Variants in TRMT2A observed in about 807,000 individuals in gnomAD.
TRMT2A encodes the protein tRNA (uracil-5-)-methyltransferase homolog A.
Under a neutral mutation model 59.3 loss-of-function variants are expected in TRMT2A, and 60 were observed. The observed-to-expected ratio is 1.01, with a 90% confidence interval of 0.82 to 1.26. TRMT2A has a LOEUF of 1.26. TRMT2A is among the 50% of genes most tolerant of loss of function. TRMT2A has a pLI of 0.00. For missense variants in TRMT2A, 863 were observed against 845.2 expected (o/e 1.02, Z -0.26); for synonymous variants, 403 against 353.7 (o/e 1.14, Z -1.56).
intron 2 of TRMT2A, 87 bp from the exon 3 acceptor site, chr22:20,115,867 C>T (rs1214052626): frequency 2.1e-6 from 3 of 1,434,452 alleles, no homozygotes; most frequent in Middle Eastern, 2.4e-4. Flanking sequence ...GGCTCCTGAC[C>T]CCTCCTTTGG....
chr22:20,113,340 G>C, intron 9 of TRMT2A, 92 bp downstream of exon 9: 1 of 1,524,178 alleles, frequency 6.6e-7, no homozygotes, highest in Non-Finnish European at 8.9e-7. Context: ...TCTACCTGTC[G>C]GGCAGCCCCC....
chr22:20,116,697 C>T (rs1213964108), intron 1 of TRMT2A, 85 bp from the exon 2 acceptor site: 4 of 1,469,402 alleles, frequency 2.7e-6, no homozygotes, highest in African/African-American at 1.4e-5. Flanking sequence ...ACACCCAGAC[C>T]TCCGTCGGTG....
intron 2 of TRMT2A, 83 bp downstream of exon 2, chr22:20,115,955 T>C: frequency 1.3e-6 from 2 of 1,481,764 alleles, no homozygotes; most frequent in Non-Finnish European, 1.8e-6. Context: ...GTGCTGGGCC[T>C]CCCAACTGGT....
In TRMT2A at chr22:20,113,491, A is replaced by G. The variant is rs370099293; in HGVS notation, c.1373T>C (p.Ile458Thr). 1.5e-5 allele frequency: 25 copies of G among 1,613,384 alleles called. No homozygotes were observed. Among genetic ancestry groups the G allele is most frequent in the East Asian group, 8.9e-5 (4 of 44,868 alleles). The change falls in exon 9 of 12, where the codon ATT becomes ACT. Residue 458 changes from isoleucine to threonine, a missense_variant. Transcript: ENST00000252136. ...AGCCTCTGGGCATAGCTCGACCCCA[A>G]TGACCCTCTTTACCTTCTGAAACAG... ...LALARKVKRV[I>T]GVELCPEAVE...
chr22:20,115,556 T>C, intron 3 of TRMT2A, 109 bp from the exon 4 acceptor site: 1 of 1,559,086 alleles, frequency 6.4e-7, no homozygotes, highest in Non-Finnish European at 8.8e-7. Flanking sequence ...AGCTGACAAC[T>C]ATGTGATGTT....
intron 7 of TRMT2A, 83 bp from the exon 8 acceptor site, chr22:20,113,891 T>A: frequency 1.4e-6 from 2 of 1,450,176 alleles, no homozygotes. Flanking sequence ...TCCTGGTCCC[T>A]CCATCCTGCC....
chr22:20,116,824 C>G, intron 1 of TRMT2A, 59 bp downstream of exon 1: 1 of 1,410,944 alleles, frequency 7.1e-7, no homozygotes, highest in Admixed American at 1.9e-5. Flanking sequence ...GGTTTCCTGA[C>G]CCACCCCGCC....
At chr22:20,114,164 C>A (rs997609939) in intron 7 of TRMT2A, among the ~76,000 whole-genome samples, 3 of 152,178 alleles carry the variant, frequency 2.0e-5, no homozygotes, top group African/African-American at 7.2e-5. Flanking sequence ...GCAGCTCCCA[C>A]CCCCACACCT....
At position 20,116,518 on chromosome 22, in the gene TRMT2A, T is replaced by A. The variant is rs935122263; in HGVS notation, c.119A>T (p.Glu40Val). The stretch of plus-strand genomic sequence containing the variant: ...CCCAGCGCCCTCTTTCTCCACCTCC[T>A]CCAGGGCTGCCGGGGCTGCAGGGGG... ...SVPPAAPAAL[E>V]EVEKEGAGAA... Residue 40 changes from glutamate to valine, a missense_variant, in exon 2 of 12, where the codon GAG becomes GTG. By Grantham distance (121) the Glu-to-Val change is moderately radical. Coordinates refer to ENST00000252136, the MANE Select transcript of TRMT2A (RefSeq NM_022727.6). The A allele has an allele frequency of 7.4e-6, 12 of 1,611,050 alleles. No individual in the cohort carries two copies. Among genetic ancestry groups the A allele is most frequent in the Non-Finnish European group, 1.0e-5 (12 of 1,179,494 alleles).
chr22:20,113,381 G>A (rs1360197052), intron 9 of TRMT2A, 51 bp downstream of exon 9: 29 of 1,574,888 alleles, frequency 1.8e-5, no homozygotes, highest in Non-Finnish European at 2.4e-5. Context: ...GCTTGCAGCA[G>A]GGGTGGCGGC....
chr22:20,112,402 C>T lies in TRMT2A; in HGVS notation c.*161G>A. On this transcript the variant is annotated 3_prime_UTR_variant, in exon 12 of 12. Coordinates refer to ENST00000252136, the MANE Select transcript of TRMT2A (RefSeq NM_022727.6). ...ACAGGAACCCACCTGTCTTCCTGGT[C>T]AGGGCCCCTGGCCCCTAGCAGCAGG... 1.1e-6 allele frequency: 1 copy of T among 951,128 alleles called. No homozygotes were observed. Among genetic ancestry groups the T allele is most frequent in the South Asian group, 1.8e-5 (1 of 55,420 alleles). 58.9% of individuals were successfully genotyped at this position (951,128 alleles called of 1,614,324 possible).
intron 4 of TRMT2A, 48 bp downstream of exon 4, chr22:20,115,218 C>A: frequency 6.3e-7 from 1 of 1,591,460 alleles, no homozygotes; most frequent in Admixed American, 1.7e-5. Flanking sequence ...CCACCCTCTG[C>A]TCCCACACCG....
In TRMT2A at chr22:20,117,218, C is replaced by G; in HGVS notation, c.-312G>C. The G allele has an allele frequency of 1.8e-6, 1 of 540,788 alleles. No homozygotes were observed. Among genetic ancestry groups the G allele is most frequent in the Non-Finnish European group, 3.0e-6 (1 of 329,300 alleles). The allele number at this position is 540,788 out of a possible 1,614,324, so 33.5% of individuals were successfully genotyped here. Reference sequence around the variant, plus strand: ...GCCAGCGCGTGCGGCGGAGGCCGAGCGTCTCTATGATCCTGGCTTCTGGCA... The same window carrying G: ...GCCAGCGCGTGCGGCGGAGGCCGAGGGTCTCTATGATCCTGGCTTCTGGCA... On this transcript the variant is annotated 5_prime_UTR_variant, in exon 1 of 12. Transcript: ENST00000252136.
chr22:20,115,112 C>G (rs774721774), intron 4 of TRMT2A, 33 bp from the exon 5 acceptor site: 1 of 1,569,362 alleles, frequency 6.4e-7, no homozygotes, highest in East Asian at 2.3e-5. Flanking sequence ...CAAGTGCCCA[C>G]AACTGGGCAA....
chr22:20,114,544 TC>T, intron 7 of TRMT2A, 29 bp downstream of exon 7: 2 of 1,576,542 alleles, frequency 1.3e-6, no homozygotes, highest in Admixed American at 3.3e-5. Flanking sequence ...CCTCAACATG[TC>T]CCCATGCCCA....
Position 20,116,297 on chromosome 22 carries a change from C to T in TRMT2A, c.340G>A (p.Val114Met). ...CTCTCTGCAGCGCTGCGGAATGTCA[C>T]AAAGGCGCAGGGTGGTTGCCCAAAG... ...KLFGQPPCAF[V>M]TFRSAAERDK... The change falls in exon 2 of 12, where the codon GTG (valine) becomes ATG (methionine). Residue 114 changes from valine (V) to methionine (M), a missense_variant. Coordinates refer to ENST00000252136, the MANE Select transcript of TRMT2A (RefSeq NM_022727.6). 1 of 1,612,990 alleles carries T rather than the reference C, an allele frequency of 6.2e-7. No individual in the cohort carries two copies. The highest frequency in any genetic ancestry group is 8.5e-7 in the Non-Finnish European group (1 of 1,180,028).
At chr22:20,113,371 G>T in intron 9 of TRMT2A, 61 bp downstream of exon 9, 2 of 1,568,654 alleles carry the variant, frequency 1.3e-6, no homozygotes, top group Non-Finnish European at 1.7e-6. Context: ...TGTGGCTGAG[G>T]CTTGCAGCAG....
In TRMT2A at chr22:20,116,263, G is replaced by A; in HGVS notation, c.374C>T (p.Ala125Val). 4 of 1,612,964 alleles carry A rather than the reference G, an allele frequency of 2.5e-6. No individual in the cohort carries two copies. The highest frequency in any genetic ancestry group is 3.4e-6 in the Non-Finnish European group (4 of 1,180,022). ...TFRSAAERDK[A>V]LRVLHGALWK... is the part of the protein sequence containing the mutation. ...GAGGGCACCATGCAAAACGCGCAGGGCCTTGTCCCTCTCTGCAGCGCTGCG... is the reference window on the plus strand; with the variant it reads ...GAGGGCACCATGCAAAACGCGCAGGACCTTGTCCCTCTCTGCAGCGCTGCG... The change falls in exon 2 of 12, where the codon GCC (alanine) becomes GTC (valine). Residue 125 changes from alanine (A) to valine (V), a missense_variant. Ala to Val is a moderately conservative substitution (Grantham distance 64). Coordinates refer to ENST00000252136, the MANE Select transcript of TRMT2A (RefSeq NM_022727.6).
Position 20,113,427 on chromosome 22 carries a change from C to A in TRMT2A, c.1432+5G>T. 6.2e-7 allele frequency: 1 copy of A among 1,603,474 alleles called. No homozygotes were observed. Among genetic ancestry groups the A allele is most frequent in the Non-Finnish European group, 8.5e-7 (1 of 1,175,616 alleles). On this transcript the variant is annotated splice_donor_5th_base_variant and intron_variant, in intron 9 of 11. Coordinates refer to ENST00000252136, the MANE Select transcript of TRMT2A (RefSeq NM_022727.6). ...CCCACCCCCACCCACGGCCTTGCCA[C>A]TCACCATTGTCCTGGGCGTTCACCC...
Sources: allele counts gnomAD v4.1 joint callset (sites outside exome capture counted in the v4.1 genomes callset), GRCh38; gene constraint gnomAD v4.1.1; transcripts MANE v1.5; gene names NCBI Gene and HGNC (gene_info 2026-07-23, HGNC 2026-07-21).